The following CDH4 variants were observed in gnomAD, a reference collection of about 807,000 sequenced individuals.
CDH4 encodes the protein cadherin-4.
A neutral mutation model predicts 86.0 loss-of-function variants in CDH4; 33 were observed. The ratio of observed to expected loss-of-function variants is 0.38; its 90% CI spans 0.29 to 0.51. The LOEUF (loss-of-function observed/expected upper bound fraction) is 0.51. CDH4 is among the 20% of genes least tolerant of loss of function. The pLI is 0.86. For synonymous variants in CDH4, 555 were observed against 549.4 expected (o/e 1.01, Z -0.14); for missense variants, 1,114 against 1,307.4 (o/e 0.85, Z 2.28).
intron 4 of CDH4, among the ~76,000 whole-genome samples, chr20:61,808,106 A>C (rs1980236624): frequency 6.6e-6 from 1 of 151,970 alleles, no homozygotes. Context: ...CATGGAAATA[A>C]ATCCTCCTTA....
In CDH4 at chr20:61,518,887, CCAT is replaced by C. The variant is rs1243579766; in HGVS notation, c.170-224671_170-224669del. ...ATCCATCATTCATTCATCAATCCAC[CCAT>C]CATCCATTCATCCATCATTCATTCA... On this transcript the variant is annotated intron_variant, in intron 2 of 15. Coordinates refer to ENST00000614565, the MANE Select transcript of CDH4 (RefSeq NM_001794.5). The surrounding 1 kb of genome is among the most constrained non-coding windows in gnomAD (Gnocchi z 6.3). Among the ~76,000 whole-genome samples, 1 of 152,202 alleles carries C rather than the reference CCAT, an allele frequency of 6.6e-6. No individual in the cohort carries two copies. The highest frequency in any genetic ancestry group is 2.1e-4 in the South Asian group (1 of 4,810).
At chr20:61,823,283 G>A (rs1283694821) in intron 4 of CDH4, among the ~76,000 whole-genome samples, 1 of 350 alleles carries the variant, frequency 2.9e-3, no homozygotes, top group African/African-American at 9.4e-3. Flanking sequence ...TGATGGTGTT[G>A]ATGGTAATGG....
chr20:61,455,418 G>C (rs2085401828), intron 2 of CDH4, among the ~76,000 whole-genome samples: 2 of 152,214 alleles, frequency 1.3e-5, no homozygotes, highest in African/African-American at 4.8e-5. Context: ...CTGAATTGGT[G>C]AAGAGCTCTA....
At chr20:61,426,733 A>G (rs1461591190) in intron 2 of CDH4, among the ~76,000 whole-genome samples, 6 of 152,210 alleles carry the variant, frequency 3.9e-5, no homozygotes, top group African/African-American at 1.4e-4. Flanking sequence ...AGGTGGAGGG[A>G]GGGCTTTGGC....
At chr20:61,523,027 A>C (rs1170702388) in intron 2 of CDH4, among the ~76,000 whole-genome samples, 1 of 152,204 alleles carries the variant, frequency 6.6e-6, no homozygotes, top group Admixed American at 6.5e-5. Flanking sequence ...CCAGGAGCAG[A>C]GGAAGGAGCA....
At position 61,495,076 on chromosome 20, in the gene CDH4, A is replaced by G. The variant is rs1324182677; in HGVS notation, c.169+240139A>G. Among the ~76,000 whole-genome samples, 2 of 152,262 alleles carry G rather than the reference A, an allele frequency of 1.3e-5. 1 individual carries two copies. Among genetic ancestry groups the G allele is most frequent in the Admixed American group, 1.3e-4 (2 of 15,290 alleles). On this transcript the variant is annotated intron_variant, in intron 2 of 15. Transcript: ENST00000614565. ...GGCCCATGGCAGGGGCAGGAGAACA[A>G]GGGCAGGGCCCCCAAACAGCTGTTT...
chr20:61,265,891 A>G (rs1207704213), intron 2 of CDH4, among the ~76,000 whole-genome samples: 1 of 152,192 alleles, frequency 6.6e-6, no homozygotes, highest in East Asian at 1.9e-4. Context: ...TCCAGTGGCT[A>G]TAATTAGGAC....
intron 2 of CDH4, among the ~76,000 whole-genome samples, chr20:61,364,682 A>T (rs1194817963): frequency 3.9e-5 from 6 of 152,332 alleles, no homozygotes; most frequent in African/African-American, 1.4e-4. Context: ...GTGCTTTTTT[A>T]AACCCCAGGG....
intron 2 of CDH4, among the ~76,000 whole-genome samples, chr20:61,509,261 C>G (rs532058776): frequency 6.6e-6 from 1 of 150,462 alleles, no homozygotes; most frequent in Non-Finnish European, 1.5e-5. Context: ...AGAGCCCCAC[C>G]GTCAGCCAGC....
At chr20:61,867,572 A>AGC (rs1453684490) in intron 6 of CDH4, among the ~76,000 whole-genome samples, 1 of 147,800 alleles carries the variant, frequency 6.8e-6, no homozygotes, top group Non-Finnish European at 1.5e-5. Flanking sequence ...AGAGAGAGAG[A>AGC]GAGCTTATGA....
intron 2 of CDH4, among the ~76,000 whole-genome samples, chr20:61,514,313 CCG>C (rs1491109440): frequency 2.3e-5 from 3 of 130,042 alleles, no homozygotes; most frequent in African/African-American, 7.3e-5. Context: ...TCCGCCCCCC[CCG>C]CCCCCCCCCA....
intron 2 of CDH4, among the ~76,000 whole-genome samples, chr20:61,446,883 C>T (rs1182352429): frequency 2.0e-5 from 3 of 152,250 alleles, no homozygotes; most frequent in South Asian, 2.1e-4. Flanking sequence ...TTGTTATTTA[C>T]ACATTTTTAT....
At chr20:61,852,691 G>A (rs934142858) in intron 5 of CDH4, 63 bp from the exon 6 acceptor site, 13 of 1,552,378 alleles carry the variant, frequency 8.4e-6, no homozygotes, top group Admixed American at 1.9e-5. Flanking sequence ...CGGGTCCCAG[G>A]CCGCTCTCAG....
At chr20:61,725,493 C>T (rs1413978843) in intron 2 of CDH4, among the ~76,000 whole-genome samples, 1 of 152,182 alleles carries the variant, frequency 6.6e-6, no homozygotes, top group East Asian at 1.9e-4. Flanking sequence ...CTCACCTAGG[C>T]CTCAGCTCTC....
At chr20:61,256,219 G>T (rs2123112767) in intron 2 of CDH4, among the ~76,000 whole-genome samples, 1 of 152,226 alleles carries the variant, frequency 6.6e-6, no homozygotes, top group South Asian at 2.1e-4. Context: ...TCAGTGCGTT[G>T]GACGGTCTCT....
intron 2 of CDH4, among the ~76,000 whole-genome samples, chr20:61,399,852 C>G (rs554532504): frequency 6.6e-6 from 1 of 152,292 alleles, no homozygotes. Flanking sequence ...GTGCCTTCCC[C>G]GGCAGGGTCT....
chr20:61,757,953 G>A (rs796513546), intron 3 of CDH4, among the ~76,000 whole-genome samples: 57 of 152,290 alleles, frequency 3.7e-4, no homozygotes, highest in African/African-American at 1.3e-3. Flanking sequence ...GTGATGCTGG[G>A]CATTCACGTG....
intron 2 of CDH4, among the ~76,000 whole-genome samples, chr20:61,441,296 G>C (rs1033708581): frequency 6.6e-6 from 1 of 152,206 alleles, no homozygotes; most frequent in Non-Finnish European, 1.5e-5. Flanking sequence ...GAAGCGGAAG[G>C]AGCATCCAGG....
intron 3 of CDH4, among the ~76,000 whole-genome samples, chr20:61,758,600 C>T (rs1346423800): frequency 1.3e-5 from 2 of 152,174 alleles, no homozygotes; most frequent in South Asian, 2.1e-4. Context: ...ATAAGGACCA[C>T]GAGGTCCGTG....
Sources: allele counts gnomAD v4.1 joint callset (sites outside exome capture counted in the v4.1 genomes callset), GRCh38; gene constraint gnomAD v4.1.1; non-coding constraint Gnocchi (gnomAD v3.1); transcripts MANE v1.5; gene names NCBI Gene and HGNC (gene_info 2026-07-23, HGNC 2026-07-21).